The following NAALADL2 variants were observed in gnomAD, a reference collection of about 807,000 sequenced individuals.
The protein encoded by NAALADL2 is N-acetylated alpha-linked acidic dipeptidase like 2.
NAALADL2 carries 76 observed loss-of-function variants against 87.2 expected under a neutral mutation model. The ratio of observed to expected loss-of-function variants is 0.87; its 90% CI spans 0.72 to 1.05. The LOEUF (loss-of-function observed/expected upper bound fraction) is 1.05. NAALADL2 is among the 50% of genes least tolerant of loss of function. NAALADL2 has a pLI of 0.00. For missense variants in NAALADL2, 1,089 were observed against 945.8 expected (o/e 1.15, Z -1.99); for synonymous variants, 354 against 331.0 (o/e 1.07, Z -0.75).
intron 5 of NAALADL2, among the ~76,000 whole-genome samples, chr3:175,335,808 C>T (rs1761912451): frequency 6.6e-6 from 1 of 152,112 alleles, no homozygotes; most frequent in African/African-American, 2.4e-5. Context: ...AAAATTGAAT[C>T]TCTGGAATAT....
At chr3:174,994,329 A>G (rs2108731179) in intron 1 of NAALADL2, among the ~76,000 whole-genome samples, 1 of 152,318 alleles carries the variant, frequency 6.6e-6, no homozygotes, top group South Asian at 2.1e-4. Flanking sequence ...AAAGAGGGAA[A>G]AAATGTCCTG....
chr3:174,635,088 G>A (rs577763), intron 2 of NAALADL2, among the ~76,000 whole-genome samples: 40,200 of 152,052 alleles, frequency 0.26, 5,740 homozygotes, highest in East Asian at 0.44. Context: ...ACTAATCTTT[G>A]AACATGTAAA....
chr3:174,548,642 G>A (rs1230547987), intron 1 of NAALADL2, among the ~76,000 whole-genome samples: 1 of 152,094 alleles, frequency 6.6e-6, no homozygotes, highest in Non-Finnish European at 1.5e-5. Flanking sequence ...ATCATCATCT[G>A]TGAACGGTGC....
chr3:174,802,791 G>A (rs1718994490), intron 3 of NAALADL2, among the ~76,000 whole-genome samples: 1 of 152,058 alleles, frequency 6.6e-6, no homozygotes, highest in Admixed American at 6.6e-5. Context: ...CTTCATCTAT[G>A]TCTCTGCAAA....
intron 11 of NAALADL2, among the ~76,000 whole-genome samples, chr3:175,640,054 C>T (rs964190895): frequency 7.9e-5 from 12 of 152,068 alleles, no homozygotes; most frequent in Non-Finnish European, 1.2e-4. Flanking sequence ...AATTTAAAAA[C>T]GTGATTTGTA....
chr3:174,556,406 C>T (rs1011668690), intron 2 of NAALADL2, among the ~76,000 whole-genome samples: 2 of 151,920 alleles, frequency 1.3e-5, no homozygotes, highest in Non-Finnish European at 2.9e-5. Context: ...ATTAATCTTT[C>T]CCATTTGAAT....
rs538579776 is a variant in NAALADL2, at chr3:175,165,620, C to T, written c.546-68311C>T. Among the ~76,000 whole-genome samples, 7 of 152,254 alleles carry T rather than the reference C, an allele frequency of 4.6e-5. 1 individual carries two copies. In the South Asian group the frequency reaches 1.4e-3, roughly 32 times the overall value. On this transcript the variant is annotated intron_variant, in intron 2 of 13. Coordinates refer to ENST00000454872, the MANE Select transcript of NAALADL2 (RefSeq NM_207015.3). ...CCTAAGAAATGGTTTAGCTTCCCCT[C>T]TTCAAAAAGAATTTCTGTAAATTAA...
intron 1 of NAALADL2, among the ~76,000 whole-genome samples, chr3:175,070,132 T>A (rs186389881): frequency 0.02 from 3,067 of 150,750 alleles, 43 homozygotes; most frequent in Non-Finnish European, 0.03. Context: ...CTGCACATTG[T>A]GCACATGTAC....
At chr3:175,001,976 T>C (rs1488995116) in intron 1 of NAALADL2, among the ~76,000 whole-genome samples, 1 of 152,162 alleles carries the variant, frequency 6.6e-6, no homozygotes, top group Non-Finnish European at 1.5e-5. Flanking sequence ...ACAATGTATC[T>C]TTTCTGTGCA....
In NAALADL2 at chr3:175,493,514, C is replaced by T. The variant is rs1397812318; in HGVS notation, c.1653+21756C>T. ...CAATTCTCATATTACACCAGCTCAC[C>T]GGAAAGCAACATAAGTTAATCATTT... On this transcript the variant is annotated intron_variant, in intron 9 of 13. Coordinates refer to ENST00000454872, the MANE Select transcript of NAALADL2 (RefSeq NM_207015.3). 4.6e-5 allele frequency among the ~76,000 whole-genome samples: 7 copies of T among 152,004 alleles called. No individual in the cohort carries two copies. In the East Asian group the frequency reaches 7.7e-4, roughly 17 times the overall value.
At chr3:175,277,997 A>G (rs376312131) in intron 4 of NAALADL2, among the ~76,000 whole-genome samples, 2 of 152,082 alleles carry the variant, frequency 1.3e-5, no homozygotes, top group East Asian at 3.9e-4. Context: ...AATTTAATGC[A>G]TTTGTGTAGT....
intron 1 of NAALADL2, among the ~76,000 whole-genome samples, chr3:174,932,557 G>C (rs1041294540): frequency 1.3e-5 from 2 of 152,098 alleles, no homozygotes; most frequent in Middle Eastern, 3.2e-3. Context: ...GGGCATATTA[G>C]TTCAATATTG....
At chr3:175,644,381 T>C (rs764684362) in intron 11 of NAALADL2, among the ~76,000 whole-genome samples, 5 of 152,230 alleles carry the variant, frequency 3.3e-5, no homozygotes, top group East Asian at 3.9e-4. Context: ...ATATTATACA[T>C]CTTTATAATT....
At chr3:174,699,625 C>T (rs1024482986) in intron 2 of NAALADL2, among the ~76,000 whole-genome samples, 2 of 151,964 alleles carry the variant, frequency 1.3e-5, no homozygotes, top group South Asian at 2.1e-4. Flanking sequence ...CAAAATGTTG[C>T]TAGTTCTTAT....
chr3:175,532,077 G>A (rs1323653614), intron 9 of NAALADL2, among the ~76,000 whole-genome samples: 1 of 152,182 alleles, frequency 6.6e-6, no homozygotes, highest in Admixed American at 6.5e-5. Flanking sequence ...TCTGCCAGCT[G>A]CTAAGTGTGT....
intron 9 of NAALADL2, among the ~76,000 whole-genome samples, chr3:175,524,259 T>A (rs527830665): frequency 1.3e-5 from 2 of 152,326 alleles, no homozygotes; most frequent in South Asian, 4.1e-4. Flanking sequence ...GACCATCATC[T>A]AGTCCTCTAA....
At chr3:175,047,967 A>G (rs1304725087) in intron 1 of NAALADL2, among the ~76,000 whole-genome samples, 2 of 152,190 alleles carry the variant, frequency 1.3e-5, no homozygotes, top group Admixed American at 6.6e-5. Context: ...AATGGAGTAT[A>G]TGACTCCAAT....
At chr3:174,669,170 G>A (rs1324538404) in intron 2 of NAALADL2, among the ~76,000 whole-genome samples, 1 of 152,150 alleles carries the variant, frequency 6.6e-6, no homozygotes, top group East Asian at 1.9e-4. Flanking sequence ...CTGATGGCCA[G>A]TGATGATGAG....
intron 11 of NAALADL2, among the ~76,000 whole-genome samples, chr3:175,709,269 A>T (rs982926968): frequency 6.6e-6 from 1 of 152,122 alleles, no homozygotes; most frequent in African/African-American, 2.4e-5. Flanking sequence ...TAGTTTCCAT[A>T]GATAAACATA....
Sources: allele counts gnomAD v4.1 joint callset (sites outside exome capture counted in the v4.1 genomes callset), GRCh38; gene constraint gnomAD v4.1.1; transcripts MANE v1.5; gene names NCBI Gene and HGNC (gene_info 2026-07-23, HGNC 2026-07-21).